The following TTC6 variants were observed in gnomAD, a reference collection of about 807,000 sequenced individuals.
TTC6 encodes the protein tetratricopeptide repeat protein 6.
A neutral mutation model predicts 210.4 loss-of-function variants in TTC6; 172 were observed. That is an observed-to-expected ratio of 0.82 (90% CI 0.72 to 0.93). The LOEUF (loss-of-function observed/expected upper bound fraction) is 0.93, where lower values mean the gene tolerates loss of function less well. Among genes scored for constraint, TTC6 ranks in the 40% least tolerant of loss-of-function variants. The pLI is 0.00. For synonymous variants in TTC6, 804 were observed against 819.6 expected (o/e 0.98, Z 0.32); for missense variants, 2,414 against 2,318.1 (o/e 1.04, Z -0.85).
exon 31 of TTC6, chr14:37,842,323 C>A: frequency 6.7e-7 from 1 of 1,491,082 alleles, no homozygotes; most frequent in Non-Finnish European, 8.9e-7. Flanking sequence ...TAGTAGTTTA[C>A]ACAGCTGTTC....
At position 37,718,263 on chromosome 14, in the gene TTC6, T is replaced by C. The variant is rs566426764; in HGVS notation, c.1713+3467T>C. On this transcript the variant is annotated intron_variant, in intron 6 of 30. Transcript: ENST00000553443. ...CCAGAGATTTGAGGCTTTCTCAGTA[T>C]TGGAAAGTCAATCTACTGTAATTCA... 7.2e-5 allele frequency among the ~76,000 whole-genome samples: 11 copies of C among 152,274 alleles called. No individual in the cohort carries two copies. In the South Asian group the frequency reaches 1.2e-3, roughly 17 times the overall value.
chr14:37,826,064 T>G, intron 27 of TTC6, 131 bp from the exon 30 acceptor site: 1 of 924,146 alleles, frequency 1.1e-6, no homozygotes, highest in East Asian at 2.8e-5. Context: ...ACTTTCTGGT[T>G]TGAAAGAACT....
intron 10 of TTC6, among the ~76,000 whole-genome samples, chr14:37,748,006 C>T (rs1208513525): frequency 1.3e-5 from 2 of 152,130 alleles, no homozygotes; most frequent in Admixed American, 1.3e-4. Flanking sequence ...CTAGGGGAAG[C>T]TCCTGGAGGA....
intron 11 of TTC6, 138 bp downstream of exon 13, chr14:37,749,539 C>A: frequency 9.1e-7 from 1 of 1,093,636 alleles, no homozygotes; most frequent in Non-Finnish European, 1.2e-6. Flanking sequence ...TAATTATTTG[C>A]ATTTTCAAGT....
At chr14:37,727,797 T>A (rs573425846) in intron 7 of TTC6, among the ~76,000 whole-genome samples, 6 of 152,306 alleles carry the variant, frequency 3.9e-5, no homozygotes, top group East Asian at 1.9e-4. Context: ...AAACATTTTT[T>A]AAAAACTCGT....
At position 37,681,606 on chromosome 14, in the gene TTC6, A is replaced by T. The variant is rs542143306; in HGVS notation, c.1051-1152A>T. On this transcript the variant is annotated intron_variant, in intron 2 of 30. Transcript: ENST00000553443. ...GAGGTAAAATACCTTTCGACTTGGT[A>T]CCGGGTCATGGATGCTTCCATCCAT... 1.2e-4 allele frequency among the ~76,000 whole-genome samples: 18 copies of T among 152,204 alleles called. No homozygotes were observed. The South Asian group carries it at 3.1e-3, about 26-fold the overall frequency.
At chr14:37,684,804 A>G (rs1283133171) in intron 3 of TTC6, among the ~76,000 whole-genome samples, 1 of 152,200 alleles carries the variant, frequency 6.6e-6, no homozygotes, top group Non-Finnish European at 1.5e-5. Context: ...TGTTAGCAGA[A>G]TGACGAACAA....
chr14:37,812,381 T>A, exon 25 of TTC6: 1 of 1,613,524 alleles, frequency 6.2e-7, no homozygotes, highest in Non-Finnish European at 8.5e-7. Flanking sequence ...AATACCTTCC[T>A]TAATCGTGGA....
intron 3 of TTC6, among the ~76,000 whole-genome samples, chr14:37,689,320 A>G (rs2095799387): frequency 6.6e-6 from 1 of 152,146 alleles, no homozygotes; most frequent in South Asian, 2.1e-4. Flanking sequence ...TACAAAATCT[A>G]TAAAATAATC....
chr14:37,760,084 G>A (rs1279605267), intron 14 of TTC6, among the ~76,000 whole-genome samples: 1 of 152,252 alleles, frequency 6.6e-6, no homozygotes, highest in Non-Finnish European at 1.5e-5. Context: ...AGGCATTCTG[G>A]TTTTTGGAAT....
chr14:37,828,200 A>G (rs1025920659), intron 29 of TTC6, among the ~76,000 whole-genome samples: 2 of 152,082 alleles, frequency 1.3e-5, no homozygotes, highest in Admixed American at 6.6e-5. Flanking sequence ...TTAGATGATG[A>G]TATTTTCTAT....
At chr14:37,806,656 C>A in intron 22 of TTC6, 146 bp downstream of exon 24, 1 of 770,060 alleles carries the variant, frequency 1.3e-6, no homozygotes, top group Non-Finnish European at 1.9e-6. Flanking sequence ...ATCCAAATAG[C>A]TGTATTTCTT....
intron 2 of TTC6, among the ~76,000 whole-genome samples, chr14:37,682,357 C>T (rs1485149264): frequency 6.6e-6 from 1 of 151,798 alleles, no homozygotes; most frequent in Non-Finnish European, 1.5e-5. Flanking sequence ...TGAGCTCCTG[C>T]TTGATGACTT....
intron 14 of TTC6, among the ~76,000 whole-genome samples, chr14:37,763,926 T>C (rs2095991464): frequency 6.6e-6 from 1 of 151,958 alleles, no homozygotes; most frequent in Non-Finnish European, 1.5e-5. Context: ...TCTTATTTAA[T>C]GTATGCATTT....
chr14:37,652,579 C>G (rs1322751888), intron 1 of TTC6, among the ~76,000 whole-genome samples: 4 of 152,288 alleles, frequency 2.6e-5, no homozygotes, highest in Admixed American at 6.5e-5. Context: ...TATAGTATGA[C>G]TAGGCTTATT....
At chr14:37,834,508 C>G (rs879803991) in intron 29 of TTC6, among the ~76,000 whole-genome samples, 1 of 152,048 alleles carries the variant, frequency 6.6e-6, no homozygotes, top group Non-Finnish European at 1.5e-5. Flanking sequence ...TTGAATTCTT[C>G]AGTTCCAGGA....
At chr14:37,803,487 G>A (rs532204444) in intron 20 of TTC6, among the ~76,000 whole-genome samples, 3 of 152,190 alleles carry the variant, frequency 2.0e-5, no homozygotes, top group Non-Finnish European at 4.4e-5. Context: ...GTGAAAGAGA[G>A]AGAGATGGAG....
chr14:37,675,959 T>A (rs1414777912), intron 1 of TTC6, among the ~76,000 whole-genome samples: 3 of 152,040 alleles, frequency 2.0e-5, no homozygotes, highest in Non-Finnish European at 4.4e-5. Context: ...GTGATTATAT[T>A]CTCACTTTCA....
chr14:37,795,368 C>G lies in TTC6; in HGVS notation c.3791+16C>G. ...ACATAAGAAGGTATGAGCATAGAAA[C>G]TGAATTCTTCTTGGGATAACTTAGC... is the stretch of plus-strand genomic sequence containing the variant. On this transcript the variant is annotated intron_variant, in intron 18 of 30. Coordinates refer to ENST00000553443, the Ensembl canonical transcript of TTC6. 6.8e-7 allele frequency: 1 copy of G among 1,476,678 alleles called. No individual in the cohort carries two copies. 91.5% of individuals were successfully genotyped at this position (1,476,678 alleles called of 1,614,324 possible).
Sources: allele counts gnomAD v4.1 joint callset (sites outside exome capture counted in the v4.1 genomes callset), GRCh38; gene constraint gnomAD v4.1.1; transcripts MANE v1.5; gene names NCBI Gene and HGNC (gene_info 2026-07-23, HGNC 2026-07-21).